Variants in ZNF561 observed in about 807,000 individuals in gnomAD.
ZNF561 encodes the protein zinc finger protein 561.
Under a neutral mutation model 16.7 loss-of-function variants are expected in ZNF561, and 16 were observed. The ratio of observed to expected loss-of-function variants is 0.96; its 90% CI spans 0.65 to 1.45. ZNF561 has a LOEUF of 1.45. ZNF561 is among the 40% of genes most tolerant of loss of function. The pLI is 0.00. For missense variants in ZNF561, 580 were observed against 578.0 expected (o/e 1.00, Z -0.04); for synonymous variants, 190 against 192.1 (o/e 0.99, Z 0.09).
chr19:9,617,360 C>G (rs1389980152), intron 3 of ZNF561, 189 bp from the exon 4 acceptor site: 1 of 1,241,826 alleles, frequency 8.1e-7, no homozygotes, highest in Non-Finnish European at 1.0e-6. Flanking sequence ...CAGGCATATG[C>G]CTTAAACAGC....
At chr19:9,618,320 T>C (rs1416262385) in intron 2 of ZNF561, 141 bp from the exon 3 acceptor site, 3 of 860,870 alleles carry the variant, frequency 3.5e-6, no homozygotes, top group Non-Finnish European at 5.2e-6. Context: ...AACACTTCCA[T>C]GAAATGCCAT....
intron 4 of ZNF561, among the ~76,000 whole-genome samples, chr19:9,615,726 C>T (rs892248826): frequency 2.1e-5 from 3 of 145,026 alleles, no homozygotes; most frequent in African/African-American, 7.7e-5. Context: ...GCCAACATGG[C>T]GAAACCCCAT....
In ZNF561 at chr19:9,607,950, C is replaced by T. The variant is rs2074379167; in HGVS notation, c.*2250G>A. 2 of 152,236 alleles carry T rather than the reference C, an allele frequency of 1.3e-5. No individual in the cohort carries two copies. Among genetic ancestry groups the T allele is most frequent in the South Asian group, 4.1e-4 (2 of 4,830 alleles). The allele number at this position is 152,236 out of a possible 1,614,324, so 9.4% of individuals were successfully genotyped here. On this transcript the variant is annotated 3_prime_UTR_variant, in exon 6 of 6. Coordinates refer to ENST00000302851, the MANE Select transcript of ZNF561 (RefSeq NM_152289.3). ...CAGTGGCTGCGATCTCGGCTCACTG[C>T]AACCTGTGCCTCCCAGGTTCATGCC...
At chr19:9,615,888 CA>C (rs1201925508) in intron 4 of ZNF561, among the ~76,000 whole-genome samples, 69 of 140,172 alleles carry the variant, frequency 4.9e-4, no homozygotes, top group Non-Finnish European at 3.9e-4. Context: ...GACTCTGTCT[CA>C]AAAAAAAAAA....
chr19:9,611,262 A>C lies in ZNF561; in HGVS notation c.399T>G (p.Leu133=), dbSNP rs1458195061. The change falls in exon 6 of 6, where the codon CTT becomes CTG. Residue 133 remains leucine (L), a synonymous_variant. Transcript: ENST00000302851. ...CGEVFREQFC[L]KTHMRVQNGG... ...CATTCTGAACTCTCATGTGTGTCTTAAGGCAAAACTGTTCCCTGAAGACCT... is the reference window on the plus strand; with the variant it reads ...CATTCTGAACTCTCATGTGTGTCTTCAGGCAAAACTGTTCCCTGAAGACCT... The C allele has an allele frequency of 6.2e-7, 1 of 1,613,972 alleles. No homozygotes were observed. Among genetic ancestry groups the C allele is most frequent in the East Asian group, 2.2e-5 (1 of 44,866 alleles).
chr19:9,610,952 A>C lies in ZNF561; in HGVS notation c.709T>G (p.Ser237Ala). 11 of 1,614,190 alleles carry C rather than the reference A, an allele frequency of 6.8e-6. No homozygotes were observed. The highest frequency in any genetic ancestry group is 9.3e-6 in the Non-Finnish European group (11 of 1,180,026). Reference protein sequence around the residue: ...FQEYGRAVTASSHLKQCVAVH... With the variant: ...FQEYGRAVTAASHLKQCVAVH... ...GCTACACACTGCTTTAGGTGTGAAG[A>C]AGCTGTGACAGCTCTCCCATATTCC... The change falls in exon 6 of 6, where the codon TCT becomes GCT. Residue 237 changes from serine (S) to alanine (A), a missense_variant. Ser to Ala is a moderately conservative substitution (Grantham distance 99). Transcript: ENST00000302851.
At chr19:9,611,528 C>T (rs1029641033) in intron 5 of ZNF561, among the ~76,000 whole-genome samples, 192 bp from the exon 6 acceptor site, 1 of 152,054 alleles carries the variant, frequency 6.6e-6, no homozygotes, top group Non-Finnish European at 1.5e-5. Context: ...CTAACGGCAA[C>T]CTCCACCTCC....
At chr19:9,618,871 C>G (rs2074607460) in intron 2 of ZNF561, among the ~76,000 whole-genome samples, 2 of 152,166 alleles carry the variant, frequency 1.3e-5, no homozygotes, top group African/African-American at 4.8e-5. Context: ...AATCCCAATA[C>G]TTTGGGAGGC....
rs528312207 is a variant in ZNF561, at chr19:9,620,631, C to G, written c.-127+531G>C. On this transcript the variant is annotated intron_variant, in intron 1 of 5. Coordinates refer to ENST00000302851, the MANE Select transcript of ZNF561 (RefSeq NM_152289.3). The stretch of plus-strand genomic sequence containing the variant: ...ATCTCCTGTATATGGTGTTACCCCC[C>G]CGCCATATGACCAGAAGACAGTGCA... Among the ~76,000 whole-genome samples, 126 of 152,270 alleles carry G rather than the reference C, an allele frequency of 8.3e-4. 1 individual carries two copies. The Middle Eastern group carries it at 0.017, about 21-fold the overall frequency.
In ZNF561 at chr19:9,610,668, G is replaced by A. The variant is rs2074433406; in HGVS notation, c.993C>T (p.His331=). 1 of 1,614,176 alleles carries A rather than the reference G, an allele frequency of 6.2e-7. No individual in the cohort carries two copies. Among genetic ancestry groups the A allele is most frequent in the African/African-American group, 1.3e-5 (1 of 75,042 alleles). The change falls in exon 6 of 6, where the codon CAC becomes CAT. Residue 331 remains histidine (H), a synonymous_variant. Coordinates refer to ENST00000302851, the MANE Select transcript of ZNF561 (RefSeq NM_152289.3). ...TACATTCATAGGGTTTTATTCCAGT[G>A]TGAGTTCTTACATGTTCAGTAAGTT... is the stretch of plus-strand genomic sequence containing the variant. ...STQLTEHVRT[H]TGIKPYECKE...
Position 9,610,644 on chromosome 19 carries a change from A to G in ZNF561, c.1017T>C (p.Cys339=), listed in dbSNP as rs2074432483. 1.2e-6 allele frequency: 2 copies of G among 1,614,172 alleles called. No homozygotes were observed. Among genetic ancestry groups the G allele is most frequent in the Middle Eastern group, 1.6e-4 (1 of 6,062 alleles). ...GAGCAAAGGCTTGGCCACATTCCTT[A>G]CATTCATAGGGTTTTATTCCAGTGT... is the stretch of plus-strand genomic sequence containing the variant. ...RTHTGIKPYE[C]KECGQAFAQY... The change falls in exon 6 of 6, where the codon TGT becomes TGC. Residue 339 remains cysteine (C), a synonymous_variant. Transcript: ENST00000302851.
intron 1 of ZNF561, among the ~76,000 whole-genome samples, chr19:9,620,300 G>C (rs2074647263): frequency 6.6e-6 from 1 of 152,048 alleles, no homozygotes; most frequent in Non-Finnish European, 1.5e-5. Flanking sequence ...ATATTGGCCA[G>C]GCTGGTCTTG....
At chr19:9,616,291 AT>A (rs558273675) in intron 4 of ZNF561, among the ~76,000 whole-genome samples, 13 of 150,922 alleles carry the variant, frequency 8.6e-5, no homozygotes, top group South Asian at 2.1e-4. Flanking sequence ...TTTTTAATGT[AT>A]TTTTTTTTAG....
chr19:9,611,274 T>C lies in ZNF561; in HGVS notation c.387A>G (p.Glu129=). 1.2e-6 allele frequency: 2 copies of C among 1,614,012 alleles called. No individual in the cohort carries two copies. Among genetic ancestry groups the C allele is most frequent in the Non-Finnish European group, 1.7e-6 (2 of 1,179,922 alleles). Residue 129 remains glutamate, a synonymous_variant, in exon 6 of 6, where the codon GAA becomes GAG. Coordinates refer to ENST00000302851, the MANE Select transcript of ZNF561 (RefSeq NM_152289.3). The part of the protein sequence containing the change: ...DCKNCGEVFR[E]QFCLKTHMRV... ...TCATGTGTGTCTTAAGGCAAAACTG[T>C]TCCCTGAAGACCTCTCCACAATTCT... is the stretch of plus-strand genomic sequence containing the variant.
At position 9,619,568 on chromosome 19, in the gene ZNF561, G is replaced by C. The variant is rs534256815; in HGVS notation, c.-112C>G. ...GGCAATCTCCATTCCTCTTTGTACAGGGTTATTTGCGGTCCTGTTCATATC... is the reference window on the plus strand; with the variant it reads ...GGCAATCTCCATTCCTCTTTGTACACGGTTATTTGCGGTCCTGTTCATATC... On this transcript the variant is annotated 5_prime_UTR_variant, in exon 2 of 6. Coordinates refer to ENST00000302851, the MANE Select transcript of ZNF561 (RefSeq NM_152289.3). 88 of 1,110,090 alleles carry C rather than the reference G, an allele frequency of 7.9e-5. No individual in the cohort carries two copies. In the African/African-American group the frequency reaches 9.1e-4, roughly 11 times the overall value. The allele number at this position is 1,110,090 out of a possible 1,614,324, so 68.8% of individuals were successfully genotyped here. A position where few individuals can be genotyped will look rare whatever the true frequency, so the allele number is the denominator to read the frequency against.
At chr19:9,613,990 G>A (rs773725321) in intron 5 of ZNF561, 31 bp downstream of exon 5, 1 of 1,607,616 alleles carries the variant, frequency 6.2e-7, no homozygotes, top group Non-Finnish European at 8.5e-7. Context: ...TCTAAGAGAG[G>A]AAATTAAGAA....
chr19:9,613,098 G>A (rs2074490806), intron 5 of ZNF561, among the ~76,000 whole-genome samples: 2 of 152,138 alleles, frequency 1.3e-5, no homozygotes, highest in Non-Finnish European at 1.5e-5. Flanking sequence ...GTCAAATAGT[G>A]TAGATTTTCA....
intron 1 of ZNF561, 67 bp from the exon 2 acceptor site, chr19:9,619,649 G>T: frequency 2.1e-6 from 1 of 472,992 alleles, no homozygotes; most frequent in Non-Finnish European, 3.7e-6. Flanking sequence ...CCTGAGCTTT[G>T]TCTCTGCAGG....
intron 4 of ZNF561, among the ~76,000 whole-genome samples, chr19:9,615,751 C>CAAAAAAAAA (rs1192652868): frequency 1.2e-5 from 1 of 85,382 alleles, no homozygotes. Context: ...ACTAAAAATA[C>CAAAAAAAAA]AAAAAAAAAA....
Sources: allele counts gnomAD v4.1 joint callset (sites outside exome capture counted in the v4.1 genomes callset), GRCh38; gene constraint gnomAD v4.1.1; transcripts MANE v1.5; gene names NCBI Gene and HGNC (gene_info 2026-07-23, HGNC 2026-07-21).